DHX9: variants seen among roughly 807,000 people sequenced by gnomAD.
DHX9 encodes the protein ATP-dependent RNA helicase A.
A neutral mutation model predicts 148.7 loss-of-function variants in DHX9; 27 were observed. That is an observed-to-expected ratio of 0.18 (90% CI 0.13 to 0.25). The LOEUF (loss-of-function observed/expected upper bound fraction) is 0.25, where lower values mean the gene tolerates loss of function less well. Ranked by LOEUF, DHX9 falls within the 10% of genes least tolerant of loss-of-function variation. DHX9 has a pLI of 1.00. For missense variants in DHX9, 796 were observed against 1,559.6 expected (o/e 0.51, Z 8.25); for synonymous variants, 529 against 516.6 (o/e 1.02, Z -0.33).
intron 3 of DHX9, among the ~76,000 whole-genome samples, chr1:182,845,951 C>G (rs1473193673): frequency 6.6e-6 from 1 of 152,158 alleles, no homozygotes; most frequent in South Asian, 2.1e-4. Context: ...AAACCCTGTC[C>G]TTTGGTTTTT....
In DHX9 at chr1:182,872,422, C is replaced by T; in HGVS notation, c.1643C>T (p.Thr548Ile). Residue 548 changes from threonine (T) to isoleucine (I), a missense_variant, in exon 15 of 28, where the codon ACC (threonine) becomes ATC (isoleucine). Physicochemically the swap from Thr to Ile is moderately conservative, Grantham distance 89. Around this residue, in one of 14 missense-constraint regions of DHX9, gnomAD observed 133 missense variants for 223.8 expected, o/e 0.59. Transcript: ENST00000367549. ...RIVLMSATIDTSMFCEYFFNC... is the reference protein window; with the variant it reads ...RIVLMSATIDISMFCEYFFNC... ...GTTCTTATGTCTGCTACTATTGATA[C>T]CAGCATGTTTTGTGAATATTTCTTC... 1 of 1,613,764 alleles carries T rather than the reference C, an allele frequency of 6.2e-7. No homozygotes were observed. Among genetic ancestry groups the T allele is most frequent in the Non-Finnish European group, 8.5e-7 (1 of 1,179,800 alleles).
At chr1:182,875,543 T>C (rs1232463407) in intron 16 of DHX9, among the ~76,000 whole-genome samples, 1 of 152,180 alleles carries the variant, frequency 6.6e-6, no homozygotes, top group Non-Finnish European at 1.5e-5. Flanking sequence ...GACGATAGTA[T>C]AGAAATGGAT....
chr1:182,845,283 C>T (rs1668007966), intron 3 of DHX9, among the ~76,000 whole-genome samples: 1 of 152,166 alleles, frequency 6.6e-6, no homozygotes, highest in South Asian at 2.1e-4. Context: ...TTAGGCTCTT[C>T]TCTATGGTCT....
chr1:182,876,907 A>C lies in DHX9; in HGVS notation c.2198+4A>C. 1 of 1,607,348 alleles carries C rather than the reference A, an allele frequency of 6.2e-7. No homozygotes were observed. The highest frequency in any genetic ancestry group is 2.2e-5 in the East Asian group (1 of 44,778). On this transcript the variant is annotated splice_donor_region_variant and intron_variant, in intron 19 of 27. Transcript: ENST00000367549. ...TTTATGTCATTGACTCCTGCAAGTA[A>C]GTTACTGGGAAACCTATTTGTCTGC...
intron 19 of DHX9, 142 bp from the exon 20 acceptor site, chr1:182,877,879 C>T: frequency 1.1e-6 from 1 of 936,742 alleles, no homozygotes; most frequent in Admixed American, 2.9e-5. Context: ...ATTGCTGATT[C>T]TTACTTGTGC....
chr1:182,872,188 A>T (rs1378427138), intron 14 of DHX9, 149 bp from the exon 15 acceptor site: 1 of 614,340 alleles, frequency 1.6e-6, no homozygotes, highest in African/African-American at 1.8e-5. Context: ...TTGATAAAAG[A>T]TCCATTGTGG....
At chr1:182,878,431 C>G (rs890064410) in intron 20 of DHX9, among the ~76,000 whole-genome samples, 1 of 152,154 alleles carries the variant, frequency 6.6e-6, no homozygotes, top group Non-Finnish European at 1.5e-5. Flanking sequence ...ACTCCTTAGG[C>G]CTGCATTTCC....
At chr1:182,865,489 T>C (rs1399630498) in intron 12 of DHX9, among the ~76,000 whole-genome samples, 2 of 152,142 alleles carry the variant, frequency 1.3e-5, no homozygotes, top group Non-Finnish European at 2.9e-5. Flanking sequence ...GGTGGAAAAA[T>C]CCTTATCCAT....
intron 5 of DHX9, 62 bp from the exon 6 acceptor site, chr1:182,853,968 C>A (rs1438674850): frequency 2.0e-6 from 3 of 1,501,992 alleles, no homozygotes; most frequent in African/African-American, 1.4e-5. Flanking sequence ...TTAAAAATTT[C>A]TGTGCCTTGT....
At chr1:182,842,144 G>A (rs1030156792) in intron 1 of DHX9, among the ~76,000 whole-genome samples, 1 of 152,200 alleles carries the variant, frequency 6.6e-6, no homozygotes. Flanking sequence ...TTCCTGAAAA[G>A]ACAATGATAG....
chr1:182,862,876 AC>A (rs1668387705), intron 12 of DHX9, among the ~76,000 whole-genome samples: 1 of 152,222 alleles, frequency 6.6e-6, no homozygotes, highest in Non-Finnish European at 1.5e-5. Context: ...AGTACCTGGT[AC>A]ATAGTAATTT....
Position 182,853,335 on chromosome 1 carries a change from T to C in DHX9, c.394T>C (p.Tyr132His). 1 of 1,613,938 alleles carries C rather than the reference T, an allele frequency of 6.2e-7. No homozygotes were observed. Among genetic ancestry groups the C allele is most frequent in the Non-Finnish European group, 8.5e-7 (1 of 1,179,902 alleles). ...ENNSEVGASG[Y>H]GVPGPTWDRG... The stretch of plus-strand genomic sequence containing the variant: ...TAATTCTGAGGTAGGGGCCTCTGGC[T>C]ATGGTGTTCCTGGGCCCACCTGGGA... Residue 132 changes from tyrosine (Y) to histidine (H), a missense_variant, in exon 5 of 28, where the codon TAT becomes CAT. Around this residue, in one of 14 missense-constraint regions of DHX9, gnomAD observed 89 missense variants for 77.5 expected, o/e 1.15. Coordinates refer to ENST00000367549, the MANE Select transcript of DHX9 (RefSeq NM_001357.5).
At chr1:182,839,962 T>A (rs1306980725) in intron 1 of DHX9, 1 of 152,268 alleles carries the variant, frequency 6.6e-6, no homozygotes, top group Non-Finnish European at 1.5e-5. Flanking sequence ...GAGGGAGGCT[T>A]TGAGCTGATA....
rs900464330 is a variant in DHX9, at chr1:182,855,444, T to G, written c.627-1088T>G. On this transcript the variant is annotated intron_variant, in intron 6 of 27. Coordinates refer to ENST00000367549, the MANE Select transcript of DHX9 (RefSeq NM_001357.5). Reference sequence around the variant, plus strand: ...ACAGCATTGCTCTTTGTATGTCCTTTTATTTAAAGGCATAACAGACAGCAA... The same window carrying G: ...ACAGCATTGCTCTTTGTATGTCCTTGTATTTAAAGGCATAACAGACAGCAA... 4 of 592,588 alleles carry G rather than the reference T, an allele frequency of 6.8e-6. No homozygotes were observed. The East Asian group carries it at 4.2e-4, about 63-fold the overall frequency. 36.7% of individuals were successfully genotyped at this position (592,588 alleles called of 1,614,324 possible). A position where few individuals can be genotyped will look rare whatever the true frequency, so the allele number is the denominator to read the frequency against.
rs1557969816 is a variant in DHX9 at position 182,858,723 on chromosome 1, TTTTTA to T, written c.901-9_901-5del. 8 of 1,613,528 alleles carry T rather than the reference TTTTTA, an allele frequency of 5.0e-6. No homozygotes were observed. The South Asian group carries it at 8.8e-5, about 18-fold the overall frequency. On this transcript the variant is annotated splice_region_variant and splice_polypyrimidine_tract_variant and intron_variant, in intron 9 of 27. Transcript: ENST00000367549. The stretch of plus-strand genomic sequence containing the variant: ...CATATTTTTTGTTTGTTTTTCTTAT[TTTTTA>T]ATAGCCTGAAGATCCTTCTGTGCCA...
At chr1:182,855,362 C>T (rs1185819476) in intron 6 of DHX9, among the ~76,000 whole-genome samples, 1 of 152,110 alleles carries the variant, frequency 6.6e-6, no homozygotes. Flanking sequence ...TGATACAAAG[C>T]AGTGAAGAAT....
At chr1:182,851,815 GA>G (rs1425439179) in intron 3 of DHX9, among the ~76,000 whole-genome samples, 1 of 152,114 alleles carries the variant, frequency 6.6e-6, no homozygotes, top group African/African-American at 2.4e-5. Flanking sequence ...AAAGGCTTTT[GA>G]AAAAGTATTT....
At chr1:182,878,353 T>G (rs1260715964) in intron 20 of DHX9, among the ~76,000 whole-genome samples, 180 bp downstream of exon 20, 1 of 152,218 alleles carries the variant, frequency 6.6e-6, no homozygotes. Context: ...ATAAGCCAGA[T>G]TTAGAAATAT....
chr1:182,851,890 G>A (rs1322383269), intron 3 of DHX9, among the ~76,000 whole-genome samples: 1 of 152,022 alleles, frequency 6.6e-6, no homozygotes, highest in Non-Finnish European at 1.5e-5. Flanking sequence ...ATACTTTTTT[G>A]ACTGCTTTAA....
Sources: gnomAD v4.1 joint callset for allele counts (sites outside exome capture counted in the v4.1 genomes callset) on GRCh38, gnomAD v4.1.1 for gene constraint, gnomAD v4.1.1 regional missense constraint, MANE v1.5 for transcripts, NCBI Gene and HGNC (gene_info 2026-07-23, HGNC 2026-07-21) for gene names.